Variants in ALK observed in about 807,000 individuals in gnomAD.
ALK encodes ALK tyrosine kinase receptor.
A neutral mutation model predicts 163.1 loss-of-function variants in ALK; 74 were observed. The observed-to-expected ratio is 0.45, with a 90% CI of 0.38 to 0.55. The LOEUF (loss-of-function observed/expected upper bound fraction) is 0.55, where lower values mean the gene tolerates loss of function less well. Among genes scored for constraint, ALK ranks in the 20% least tolerant of loss-of-function variants. The probability of loss-of-function intolerance (pLI) is 0.00; values close to 1 mark genes in which losing one functional copy is unlikely to be tolerated. For synonymous variants in ALK, 960 were observed against 843.2 expected (o/e 1.14, Z -2.40); for missense variants, 2,063 against 2,105.3 (o/e 0.98, Z 0.39).
At chr2:29,427,248 G>C (rs1040551994) in intron 4 of ALK, among the ~76,000 whole-genome samples, 3 of 151,880 alleles carry the variant, frequency 2.0e-5, no homozygotes, top group African/African-American at 7.3e-5. Flanking sequence ...TGGTAAATAC[G>C]AAGGTTAGTA....
At chr2:29,866,931 T>C (rs531654760) in intron 1 of ALK, among the ~76,000 whole-genome samples, 1 of 152,344 alleles carries the variant, frequency 6.6e-6, no homozygotes, top group Admixed American at 6.5e-5. Flanking sequence ...CTGTGTGTTA[T>C]GGCTGGTCCT....
At chr2:29,697,924 CCTG>C (rs1338513921) in intron 2 of ALK, among the ~76,000 whole-genome samples, 2 of 152,292 alleles carry the variant, frequency 1.3e-5, no homozygotes, top group African/African-American at 4.8e-5. Context: ...GACAGCTGGC[CCTG>C]CTGCAGAGTG....
chr2:29,328,059 T>C, intron 6 of ALK, among the ~76,000 whole-genome samples: 1 of 152,140 alleles, frequency 6.6e-6, no homozygotes, highest in Middle Eastern at 3.2e-3. Context: ...CAATGTCACA[T>C]TAGAGCTGGG....
chr2:29,817,603 A>G (rs998964037), intron 1 of ALK, among the ~76,000 whole-genome samples: 2 of 152,090 alleles, frequency 1.3e-5, no homozygotes, highest in African/African-American at 4.8e-5. Flanking sequence ...CTCCACTACC[A>G]TTATACTGAC....
chr2:29,648,111 C>T (rs1676936027), intron 3 of ALK, among the ~76,000 whole-genome samples: 1 of 152,172 alleles, frequency 6.6e-6, no homozygotes, highest in African/African-American at 2.4e-5. Flanking sequence ...AAGTTCTCTG[C>T]ACGCTGTTTT....
chr2:29,626,655 T>C (rs560216653), intron 3 of ALK, among the ~76,000 whole-genome samples: 1 of 152,260 alleles, frequency 6.6e-6, no homozygotes, highest in East Asian at 1.9e-4. Context: ...CCCCTCCCCA[T>C]GTGAGGACAC....
intron 1 of ALK, among the ~76,000 whole-genome samples, chr2:29,741,419 G>C (rs1003994863): frequency 1.3e-5 from 2 of 152,108 alleles, no homozygotes; most frequent in Non-Finnish European, 2.9e-5. Flanking sequence ...GTGGGAGCAG[G>C]GAATATATGA....
chr2:29,359,494 T>C (rs1668338761), intron 5 of ALK, among the ~76,000 whole-genome samples: 1 of 152,232 alleles, frequency 6.6e-6, no homozygotes, highest in South Asian at 2.1e-4. Flanking sequence ...GGGTGCTTTC[T>C]TAAGACTGGG....
intron 3 of ALK, among the ~76,000 whole-genome samples, chr2:29,649,243 A>AGAGAGAGAGAGAGAGAG (rs200019642): frequency 6.6e-6 from 1 of 150,928 alleles, no homozygotes; most frequent in African/African-American, 2.4e-5. Context: ...AGAGAGAGAG[A>AGAGAGAGAGAGAGAGAG]AAGTGCGTGC....
rs150039464 is a variant in ALK at position 29,592,482 on chromosome 2, G to A, written c.953-60366C>T. Among the ~76,000 whole-genome samples the A allele has an allele frequency of 8.5e-4, 130 of 152,290 alleles. No homozygotes were observed. In the East Asian group the frequency reaches 0.023, roughly 27 times the overall value. The stretch of plus-strand genomic sequence containing the variant: ...TTGGGGCACAAACTTGGTGGGAGAA[G>A]GGAGTGAAAGAGTTGTTTATTCTTT... On this transcript the variant is annotated intron_variant, in intron 3 of 28. Transcript: ENST00000389048.
At chr2:29,269,254 G>A (rs1366681172) in intron 11 of ALK, among the ~76,000 whole-genome samples, 1 of 152,202 alleles carries the variant, frequency 6.6e-6, no homozygotes, top group Non-Finnish European at 1.5e-5. Context: ...AAGCTCTATT[G>A]CTGATGGGTG....
intron 4 of ALK, among the ~76,000 whole-genome samples, chr2:29,432,542 C>A (rs1234852804): frequency 6.6e-6 from 1 of 152,132 alleles, no homozygotes; most frequent in Non-Finnish European, 1.5e-5. Flanking sequence ...AATGGACAAT[C>A]AACCTCAGAT....
At chr2:29,327,135 G>A (rs113951948) in intron 6 of ALK, among the ~76,000 whole-genome samples, 1,843 of 152,322 alleles carry the variant, frequency 0.012, 47 homozygotes, top group African/African-American at 0.042. Flanking sequence ...TACTTCTGGA[G>A]AGGCAGCTGC....
chr2:29,247,831 G>T (rs1331210125), intron 12 of ALK, among the ~76,000 whole-genome samples: 1 of 152,112 alleles, frequency 6.6e-6, no homozygotes, highest in Admixed American at 6.6e-5. Flanking sequence ...GGGTGGGTTC[G>T]TTAGGGCTCG....
At chr2:29,624,697 T>C (rs1300982982) in intron 3 of ALK, among the ~76,000 whole-genome samples, 1 of 152,182 alleles carries the variant, frequency 6.6e-6, no homozygotes, top group South Asian at 2.1e-4. Flanking sequence ...ATGGCACACA[T>C]TTACCTATGT....
At chr2:29,819,154 C>T (rs1185621875) in intron 1 of ALK, among the ~76,000 whole-genome samples, 1 of 152,208 alleles carries the variant, frequency 6.6e-6, no homozygotes, top group Admixed American at 6.5e-5. Flanking sequence ...CCAACCAGAA[C>T]CTATTGAATC....
intron 9 of ALK, among the ~76,000 whole-genome samples, chr2:29,278,894 C>A (rs1665613800): frequency 6.6e-6 from 1 of 152,162 alleles, no homozygotes; most frequent in South Asian, 2.1e-4. Flanking sequence ...CCAAGCCAGG[C>A]CCTGGTTTCA....
At chr2:29,674,105 T>A (rs1008191692) in intron 3 of ALK, among the ~76,000 whole-genome samples, 1 of 149,132 alleles carries the variant, frequency 6.7e-6, no homozygotes, top group South Asian at 2.2e-4. Flanking sequence ...AGATATACAA[T>A]CATGTCGTCT....
chr2:29,362,845 C>A lies in ALK; in HGVS notation c.1282+20887G>T, dbSNP rs891242891. ...GGTACAATCCCCACTCCCAAACAAACAAATGAACAAACAAACAAACAGAAA... is the reference window on the plus strand; with the variant it reads ...GGTACAATCCCCACTCCCAAACAAAAAAATGAACAAACAAACAAACAGAAA... On this transcript the variant is annotated intron_variant, in intron 5 of 28. Coordinates refer to ENST00000389048, the MANE Select transcript of ALK (RefSeq NM_004304.5). Among the ~76,000 whole-genome samples, 5 of 150,728 alleles carry A rather than the reference C, an allele frequency of 3.3e-5. 1 individual carries two copies. Among genetic ancestry groups the A allele is most frequent in the African/African-American group, 1.2e-4 (5 of 40,072 alleles).
Sources: allele counts gnomAD v4.1 joint callset (sites outside exome capture counted in the v4.1 genomes callset), GRCh38; gene constraint gnomAD v4.1.1; transcripts MANE v1.5; gene names NCBI Gene and HGNC (gene_info 2026-07-23, HGNC 2026-07-21).